Variants in ZBTB10 observed in about 807,000 individuals in gnomAD.
ZBTB10 encodes the protein zinc finger and BTB domain-containing protein 10.
ZBTB10 carries 32 observed loss-of-function variants against 76.4 expected under a neutral mutation model. The observed-to-expected ratio is 0.42, with a 90% CI of 0.32 to 0.56. The LOEUF (loss-of-function observed/expected upper bound fraction) is 0.56. ZBTB10 is among the 20% of genes least tolerant of loss of function. The pLI is 0.14. For missense variants in ZBTB10, 1,057 were observed against 1,098.5 expected (o/e 0.96, Z 0.53); for synonymous variants, 523 against 432.9 (o/e 1.21, Z -2.58).
intron 1 of ZBTB10, among the ~76,000 whole-genome samples, chr8:80,489,695 AC>A (rs1357360977): frequency 2.0e-5 from 3 of 151,934 alleles, no homozygotes; most frequent in Admixed American, 6.6e-5. Flanking sequence ...TCTAAACTTG[AC>A]CCGAACTACG....
intron 1 of ZBTB10, among the ~76,000 whole-genome samples, chr8:80,489,185 T>A (rs1815560759): frequency 6.6e-6 from 1 of 152,096 alleles, no homozygotes; most frequent in Non-Finnish European, 1.5e-5. Context: ...TAAATCTGGG[T>A]TCAGATCTCA....
intron 2 of ZBTB10, among the ~76,000 whole-genome samples, chr8:80,504,292 T>G (rs1423650568): frequency 6.6e-6 from 1 of 152,206 alleles, no homozygotes; most frequent in African/African-American, 2.4e-5. Flanking sequence ...TCTTAGTGAA[T>G]TGTTCAATCT....
At chr8:80,500,875 C>A (rs1815906696) in intron 2 of ZBTB10, among the ~76,000 whole-genome samples, 1 of 152,090 alleles carries the variant, frequency 6.6e-6, no homozygotes, top group Non-Finnish European at 1.5e-5. Context: ...TACTGTTCTT[C>A]TGTTATTTTT....
At chr8:80,493,030 A>G (rs1208875048) in intron 1 of ZBTB10, among the ~76,000 whole-genome samples, 2 of 151,312 alleles carry the variant, frequency 1.3e-5, no homozygotes, top group East Asian at 2.0e-4. Flanking sequence ...CCTGGCCAAC[A>G]TGGTGAAACC....
chr8:80,511,559 C>T (rs1816194724), intron 2 of ZBTB10, among the ~76,000 whole-genome samples: 1 of 152,210 alleles, frequency 6.6e-6, no homozygotes, highest in African/African-American at 2.4e-5. Context: ...GTGATTGTAG[C>T]TCACTGGAGC....
intron 5 of ZBTB10, 60 bp downstream of exon 5, chr8:80,519,014 T>TA: frequency 6.6e-7 from 1 of 1,504,058 alleles, no homozygotes; most frequent in Non-Finnish European, 8.9e-7. Context: ...CAGTGAAGTT[T>TA]AAAGGGATTT....
intron 1 of ZBTB10, 57 bp downstream of exon 1, chr8:80,487,839 A>T: frequency 1.3e-6 from 2 of 1,486,876 alleles, no homozygotes; most frequent in Non-Finnish European, 1.8e-6. Flanking sequence ...GTTTATCAGC[A>T]CTCCCTTCAC....
chr8:80,486,991 CG>C lies in ZBTB10; in HGVS notation c.187del (p.Ala63ProfsTer53). ...GCCCGCGCTTCAGCCGCCTAATGGG[CG>C]GGGGGCCGACGAGGAAGTGGAATTG... ...APPALQPPNG[R>X]GADEEVELEG... On this transcript the variant is annotated frameshift_variant, in exon 1 of 6. Transcript: ENST00000455036. LOFTEE classifies it high-confidence loss of function. 2 of 1,513,748 alleles carry C rather than the reference CG, an allele frequency of 1.3e-6. No individual in the cohort carries two copies. Among genetic ancestry groups the C allele is most frequent in the Non-Finnish European group, 1.8e-6 (2 of 1,136,186 alleles). The allele number at this position is 1,513,748 out of a possible 1,614,324, so 93.8% of individuals were successfully genotyped here.
In ZBTB10 at chr8:80,500,401, A is replaced by G; in HGVS notation, c.1861+19A>G. 2 of 1,501,982 alleles carry G rather than the reference A, an allele frequency of 1.3e-6. No homozygotes were observed. Among genetic ancestry groups the G allele is most frequent in the Non-Finnish European group, 1.8e-6 (2 of 1,128,008 alleles). The allele number at this position is 1,501,982 out of a possible 1,614,324, so 93.0% of individuals were successfully genotyped here. A position where few individuals can be genotyped will look rare whatever the true frequency, so the allele number is the denominator to read the frequency against. On this transcript the variant is annotated intron_variant, in intron 2 of 5. Transcript: ENST00000455036. The stretch of plus-strand genomic sequence containing the variant: ...GAACCAGGTAAATATTATCTATACA[A>G]GGATACTTCCTTGTTCATCCTAATT...
At chr8:80,490,385 G>A (rs554275810) in intron 1 of ZBTB10, among the ~76,000 whole-genome samples, 1 of 152,010 alleles carries the variant, frequency 6.6e-6, no homozygotes, top group Non-Finnish European at 1.5e-5. Context: ...ACAGGTGCGC[G>A]CCACCATTCC....
chr8:80,526,206 G>A lies in ZBTB10; in HGVS notation c.*6678G>A, dbSNP rs1372041212. ...TATACGTGAAAAAACTAGAAGAAAA[G>A]CCCTGTTGGAGTTTTGATGTAGAGT... is the stretch of plus-strand genomic sequence containing the variant. On this transcript the variant is annotated 3_prime_UTR_variant, in exon 6 of 6. Transcript: ENST00000455036. The A allele has an allele frequency of 2.6e-5, 4 of 152,152 alleles. No homozygotes were observed. In the East Asian group the frequency reaches 5.8e-4, roughly 22 times the overall value. 9.4% of individuals were successfully genotyped at this position (152,152 alleles called of 1,614,324 possible).
At chr8:80,499,449 A>G in intron 1 of ZBTB10, 45 bp from the exon 2 acceptor site, 1 of 1,495,196 alleles carries the variant, frequency 6.7e-7, no homozygotes, top group Non-Finnish European at 8.9e-7. Context: ...GAGTTTTTAA[A>G]AAAGTCAATA....
At position 80,521,193 on chromosome 8, in the gene ZBTB10, A is replaced by C. The variant is rs1816441698; in HGVS notation, c.*1665A>C. The stretch of plus-strand genomic sequence containing the variant: ...TAGACAATGATGTTTCTGCTTGGAT[A>C]AATCAAAGATAAATTACAGTTACAT... On this transcript the variant is annotated 3_prime_UTR_variant, in exon 6 of 6. Coordinates refer to ENST00000455036, the MANE Select transcript of ZBTB10 (RefSeq NM_001105539.3). 1 of 151,904 alleles carries C rather than the reference A, an allele frequency of 6.6e-6. No individual in the cohort carries two copies. Among genetic ancestry groups the C allele is most frequent in the Admixed American group, 6.6e-5 (1 of 15,254 alleles). The allele number at this position is 151,904 out of a possible 1,614,324, so 9.4% of individuals were successfully genotyped here. A position where few individuals can be genotyped will look rare whatever the true frequency, so the allele number is the denominator to read the frequency against.
chr8:80,510,886 AGAT>A (rs757980981), intron 2 of ZBTB10, among the ~76,000 whole-genome samples: 2 of 152,290 alleles, frequency 1.3e-5, no homozygotes, highest in Admixed American at 6.5e-5. Flanking sequence ...TTAGAGAAAA[AGAT>A]GATGACCAAG....
chr8:80,503,456 C>T (rs941924967), intron 2 of ZBTB10, among the ~76,000 whole-genome samples: 5 of 152,046 alleles, frequency 3.3e-5, no homozygotes, highest in Non-Finnish European at 5.9e-5. Flanking sequence ...AAATTTGCTT[C>T]TCTATAACTT....
intron 3 of ZBTB10, among the ~76,000 whole-genome samples, chr8:80,516,915 G>A (rs1007526834): frequency 6.6e-6 from 1 of 152,298 alleles, no homozygotes; most frequent in Non-Finnish European, 1.5e-5. Context: ...GGAGGAAAAT[G>A]TATTATTGCT....
Position 80,519,510 on chromosome 8 carries a change from T to C in ZBTB10, c.2598T>C (p.Cys866=), listed in dbSNP as rs1450905764. Residue 866 remains cysteine (C), a synonymous_variant, in exon 6 of 6, where the codon TGT becomes TGC. Transcript: ENST00000455036. ...PSRWDESGEV[C]MSLDD Reference sequence around the variant, plus strand: ...GATGGGATGAATCAGGAGAAGTTTGTATGTCTCTAGATGATTAACTGACCT... The same window carrying C: ...GATGGGATGAATCAGGAGAAGTTTGCATGTCTCTAGATGATTAACTGACCT... 1.2e-6 allele frequency: 2 copies of C among 1,610,182 alleles called. No homozygotes were observed. The highest frequency in any genetic ancestry group is 2.7e-5 in the African/African-American group (2 of 74,852).
intron 1 of ZBTB10, among the ~76,000 whole-genome samples, chr8:80,489,618 C>G (rs560618101): frequency 2.0e-5 from 3 of 152,234 alleles, no homozygotes; most frequent in South Asian, 2.1e-4. Flanking sequence ...TTAAGGTAGC[C>G]TCAGCTTGAG....
At chr8:80,518,167 C>T (rs1404064910) in intron 3 of ZBTB10, among the ~76,000 whole-genome samples, 3 of 151,692 alleles carry the variant, frequency 2.0e-5, no homozygotes, top group Non-Finnish European at 4.4e-5. Context: ...GTGCCTGGCC[C>T]ATGATTAATT....
Sources: gnomAD v4.1 joint callset for allele counts (sites outside exome capture counted in the v4.1 genomes callset) on GRCh38, gnomAD v4.1.1 for gene constraint, MANE v1.5 for transcripts, NCBI Gene and HGNC (gene_info 2026-07-23, HGNC 2026-07-21) for gene names.